Variants in CCDC154 observed in about 807,000 individuals in gnomAD.
CCDC154 encodes coiled-coil domain containing 154.
A neutral mutation model predicts 87.5 loss-of-function variants in CCDC154; 91 were observed. The observed-to-expected ratio is 1.04, with a 90% CI of 0.88 to 1.24. The LOEUF is 1.24. Among genes scored for constraint, CCDC154 ranks in the 50% most tolerant of loss-of-function variants. CCDC154 has a pLI of 0.00. For synonymous variants in CCDC154, 418 were observed against 400.4 expected (o/e 1.04, Z -0.52); for missense variants, 903 against 879.2 (o/e 1.03, Z -0.34).
At chr16:1,438,274 C>G in intron 9 of CCDC154, 98 bp from the exon 10 acceptor site, 1 of 1,389,206 alleles carries the variant, frequency 7.2e-7, no homozygotes, top group Non-Finnish European at 9.5e-7. Flanking sequence ...CAGAACCTCC[C>G]AGGAGACCCT....
chr16:1,438,883 C>A lies in CCDC154; in HGVS notation c.838G>T (p.Glu280Ter), dbSNP rs1238978526. 1.2e-5 allele frequency: 19 copies of A among 1,549,560 alleles called. No homozygotes were observed. The highest frequency in any genetic ancestry group is 1.7e-5 in the Non-Finnish European group (19 of 1,146,728). ...KLEGSLRGELESRWEKLRGLM... is the reference protein window; with the variant it reads ...KLEGSLRGEL ...CCCCGAAGCTTCTCCCACCGGCTCT[C>A]CAGCTCGCCCCGCAGGCTGCCCTCC... Residue 280 changes from glutamate (E) to a stop codon, truncating the protein, a stop_gained, in exon 8 of 17, where the codon GAG (glutamate) becomes TAG (stop). Coordinates refer to ENST00000389176, the MANE Select transcript of CCDC154 (RefSeq NM_001143980.3). LOFTEE classifies it high-confidence loss of function.
At chr16:1,437,078 G>GT (rs1567257295) in intron 11 of CCDC154, 1 of 503,612 alleles carries the variant, frequency 2.0e-6, no homozygotes, top group East Asian at 3.4e-5. Context: ...GCAGGCCCCG[G>GT]TGGGACCCAG....
rs2038593774 is a variant in CCDC154 at position 1,444,514 on chromosome 16, T to TG, written c.-193dup. On this transcript the variant is annotated 5_prime_UTR_variant, in exon 1 of 17. Coordinates refer to ENST00000389176, the MANE Select transcript of CCDC154 (RefSeq NM_001143980.3). ...CTCAGGGTCCCCAGGGAGGCAGGTG[T>TG]GGGGCAGCGGGGCCGTTCCAGAACC... 4.6e-6 allele frequency: 2 copies of TG among 437,954 alleles called. No individual in the cohort carries two copies. The highest frequency in any genetic ancestry group is 7.8e-6 in the Non-Finnish European group (2 of 258,048). The allele number at this position is 437,954 out of a possible 1,614,324, so 27.1% of individuals were successfully genotyped here. A position where few individuals can be genotyped will look rare whatever the true frequency, so the allele number is the denominator to read the frequency against.
At chr16:1,439,434 G>T (rs1038554964) in intron 6 of CCDC154, 2 of 423,594 alleles carry the variant, frequency 4.7e-6, no homozygotes, top group African/African-American at 2.0e-5. Flanking sequence ...ACCAGGCCCG[G>T]CAGGGAAGCA....
In CCDC154 at chr16:1,443,798, C is replaced by G. The variant is rs1237565552; in HGVS notation, c.222G>C (p.Gln74His). Reference sequence around the variant, plus strand: ...CCAGCACCCCCTGCAGGGCTCACCACTGCTCCAGCTGGTTCCAGTGCTTGG... The same window carrying G: ...CCAGCACCCCCTGCAGGGCTCACCAGTGCTCCAGCTGGTTCCAGTGCTTGG... ...DTAKHWNQLEQWVVELQAEVA... is the reference protein window; with the variant it reads ...DTAKHWNQLEHWVVELQAEVA... Residue 74 changes from glutamine (Q) to histidine (H), a missense_variant and splice_region_variant, in exon 2 of 17, where the codon CAG becomes CAC. Transcript: ENST00000389176. 5 of 1,305,102 alleles carry G rather than the reference C, an allele frequency of 3.8e-6. No homozygotes were observed. Among genetic ancestry groups the G allele is most frequent in the Non-Finnish European group, 5.1e-6 (5 of 989,736 alleles). The allele number at this position is 1,305,102 out of a possible 1,614,324, so 80.8% of individuals were successfully genotyped here.
intron 1 of CCDC154, 101 bp from the exon 2 acceptor site, chr16:1,444,113 C>G: frequency 9.4e-7 from 1 of 1,068,114 alleles, no homozygotes; most frequent in South Asian, 1.4e-5. Context: ...CGCCCACCAC[C>G]CAGAGCTCAA....
At chr16:1,436,248 G>A (rs1213255956) in intron 13 of CCDC154, among the ~76,000 whole-genome samples, 162 bp from the exon 14 acceptor site, 1 of 152,224 alleles carries the variant, frequency 6.6e-6, no homozygotes, top group African/African-American at 2.4e-5. Flanking sequence ...CCCAACGGGG[G>A]GTAGAGGGAG....
chr16:1,435,505 T>A (rs2038493247), intron 14 of CCDC154, among the ~76,000 whole-genome samples: 1 of 114,856 alleles, frequency 8.7e-6, no homozygotes, highest in Admixed American at 7.6e-5. Flanking sequence ...CAGGGACAGC[T>A]GTTTTTGTTT....
chr16:1,440,505 G>GAACAGAA (rs1337711874), intron 6 of CCDC154, among the ~76,000 whole-genome samples: 57 of 151,212 alleles, frequency 3.8e-4, no homozygotes, highest in African/African-American at 1.4e-3. Flanking sequence ...AAAGAGAAGA[G>GAACAGAA]AAGAGAAGAG....
chr16:1,437,664 G>C (rs932662960), intron 11 of CCDC154, 153 bp downstream of exon 11: 5 of 942,974 alleles, frequency 5.3e-6, no homozygotes, highest in African/African-American at 3.4e-5. Flanking sequence ...CTGGGGCTCG[G>C]GGTCTCCCAG....
At position 1,443,658 on chromosome 16, in the gene CCDC154, C is replaced by T. The variant is rs992542877; in HGVS notation, c.262G>A (p.Glu88Lys). ...ELQAEVACLR[E>K]HKQRCERATR... Reference sequence around the variant, plus strand: ...GCGCGCTCACAGCGCTGCTTGTGCTCCCGCAGGCAGGCCACCTCGGCCTGC... The same window carrying T: ...GCGCGCTCACAGCGCTGCTTGTGCTTCCGCAGGCAGGCCACCTCGGCCTGC... Residue 88 changes from glutamate to lysine, a missense_variant, in exon 3 of 17, where the codon GAG (glutamate) becomes AAG (lysine). Coordinates refer to ENST00000389176, the MANE Select transcript of CCDC154 (RefSeq NM_001143980.3). 3.8e-6 allele frequency: 5 copies of T among 1,320,540 alleles called. No individual in the cohort carries two copies. The highest frequency in any genetic ancestry group is 2.9e-6 in the Non-Finnish European group (3 of 1,017,046). 81.8% of individuals were successfully genotyped at this position (1,320,540 alleles called of 1,614,324 possible). A position where few individuals can be genotyped will look rare whatever the true frequency, so the allele number is the denominator to read the frequency against.
intron 14 of CCDC154, 192 bp from the exon 15 acceptor site, chr16:1,435,367 C>T (rs1269483400): frequency 3.3e-6 from 2 of 614,224 alleles, no homozygotes. Context: ...GAGAGTGGCC[C>T]TGCGGGGACC....
intron 6 of CCDC154, among the ~76,000 whole-genome samples, chr16:1,440,220 T>C (rs974124967): frequency 4.3e-5 from 6 of 140,544 alleles, no homozygotes; most frequent in Non-Finnish European, 9.1e-5. Context: ...GAGGCCGAGG[T>C]GGGCGGATCA....
Position 1,443,583 on chromosome 16 carries a change from G to T in CCDC154, c.337C>A (p.Leu113Met), listed in dbSNP as rs2038578270. ...ELLQVRARVQLQGSELRQLQQ... is the reference protein window; with the variant it reads ...ELLQVRARVQMQGSELRQLQQ... ...AACTGCCTCAGCTCTGAGCCCTGCAGCTGCACGCGGGCCCGCACCTGGAGC... is the reference window on the plus strand; with the variant it reads ...AACTGCCTCAGCTCTGAGCCCTGCATCTGCACGCGGGCCCGCACCTGGAGC... The change falls in exon 3 of 17, where the codon CTG becomes ATG. Residue 113 changes from leucine to methionine, a missense_variant. Leu to Met is a conservative substitution (Grantham distance 15). Coordinates refer to ENST00000389176, the MANE Select transcript of CCDC154 (RefSeq NM_001143980.3). 4.8e-6 allele frequency: 7 copies of T among 1,467,682 alleles called. No individual in the cohort carries two copies. Among genetic ancestry groups the T allele is most frequent in the Admixed American group, 4.4e-5 (2 of 45,656 alleles). The allele number at this position is 1,467,682 out of a possible 1,614,324, so 90.9% of individuals were successfully genotyped here.
At chr16:1,440,549 G>A (rs1352629711) in intron 6 of CCDC154, among the ~76,000 whole-genome samples, 2 of 150,546 alleles carry the variant, frequency 1.3e-5, no homozygotes, top group Non-Finnish European at 3.0e-5. Flanking sequence ...AAAGAGAAAA[G>A]AAAAGAAAAC....
At position 1,438,834 on chromosome 16, in the gene CCDC154, G is replaced by GCCCGCAGGCGCTCCTCCATCAGCC. The variant is rs1272365069; in HGVS notation, c.863_886dup (p.Gly288_Arg295dup). 4.3e-5 allele frequency: 66 copies of GCCCGCAGGCGCTCCTCCATCAGCC among 1,546,314 alleles called. No individual in the cohort carries two copies. Among genetic ancestry groups the GCCCGCAGGCGCTCCTCCATCAGCC allele is most frequent in the Non-Finnish European group, 5.3e-5 (61 of 1,145,990 alleles). ...CCCCACCTCATGCTGCCCCTGCAGG[G>GCCCGCAGGCGCTCCTCCATCAGCC]CCCGCAGGCGCTCCTCCATCAGCCC... On this transcript the variant is annotated inframe_insertion, in exon 8 of 17. Coordinates refer to ENST00000389176, the MANE Select transcript of CCDC154 (RefSeq NM_001143980.3).
intron 11 of CCDC154, 95 bp from the exon 12 acceptor site, chr16:1,436,906 C>T (rs2142351486): frequency 6.8e-7 from 1 of 1,477,732 alleles, no homozygotes; most frequent in East Asian, 2.5e-5. Context: ...GCAGGCGGCC[C>T]CCACCCCCAC....
intron 6 of CCDC154, among the ~76,000 whole-genome samples, chr16:1,439,984 A>G (rs1165014917): frequency 5.3e-5 from 8 of 151,634 alleles, no homozygotes; most frequent in Admixed American, 5.3e-4. Context: ...CCCTGTCTCT[A>G]CTAAAACTAC....
intron 6 of CCDC154, chr16:1,439,425 C>G (rs1352818477): frequency 4.5e-6 from 2 of 444,740 alleles, no homozygotes; most frequent in African/African-American, 4.0e-5. Flanking sequence ...CCAGCCGCCA[C>G]CAGGCCCGGC....
Sources: allele counts gnomAD v4.1 joint callset (sites outside exome capture counted in the v4.1 genomes callset), GRCh38; gene constraint gnomAD v4.1.1; transcripts MANE v1.5; gene names NCBI Gene and HGNC (gene_info 2026-07-23, HGNC 2026-07-21).